Variants in ADGRB1 observed in about 807,000 individuals in gnomAD.
The protein encoded by ADGRB1 is brain-specific angiogenesis inhibitor 1.
Under a neutral mutation model 175.7 loss-of-function variants are expected in ADGRB1, and 36 were observed. The observed-to-expected ratio is 0.20, with a 90% confidence interval of 0.16 to 0.27. The LOEUF (loss-of-function observed/expected upper bound fraction) is 0.27. Ranked by LOEUF, ADGRB1 falls within the 10% of genes least tolerant of loss-of-function variation. ADGRB1 has a pLI of 1.00. For missense variants in ADGRB1, 1,731 were observed against 2,255.3 expected, an observed-to-expected ratio of 0.77 and a Z score of 4.71; for synonymous variants, 1,054 against 979.4, an observed-to-expected ratio of 1.08 and a Z score of -1.42.
At position 142,490,756 on chromosome 8, in the gene ADGRB1, C is replaced by T; in HGVS notation, c.2632-16C>T. On this transcript the variant is annotated splice_polypyrimidine_tract_variant and intron_variant, in intron 16 of 30. Transcript: ENST00000517894. ...CTGGCTGCCAGGGGCCCTGACTCCT[C>T]TCCCCTCTCTCCCAGGGCACCACCA... 1 of 1,570,166 alleles carries T rather than the reference C, an allele frequency of 6.4e-7. No individual in the cohort carries two copies. The highest frequency in any genetic ancestry group is 8.6e-7 in the Non-Finnish European group (1 of 1,157,734).
rs374003039 is a variant in ADGRB1 at position 142,543,790 on chromosome 8, TCATC to T, written c.4557+106_4557+109del. ...CCCTTCTTCCCTGGATTTGTGCACT[TCATC>T]CATCCATCCATCCATCCATCCATTC... On this transcript the variant is annotated intron_variant, in intron 30 of 30. Transcript: ENST00000517894. The surrounding 1 kb of genome is among the most constrained non-coding windows in gnomAD (Gnocchi z 4.4). 2.0e-3 allele frequency: 2,444 copies of T among 1,247,424 alleles called. 25 individuals are homozygous for T. The African/African-American group carries it at 0.027, about 14-fold the overall frequency. 77.3% of individuals were successfully genotyped at this position (1,247,424 alleles called of 1,614,324 possible).
intron 2 of ADGRB1, among the ~76,000 whole-genome samples, chr8:142,469,155 GCA>G (rs1254593022): frequency 1.3e-4 from 1 of 7,874 alleles, no homozygotes; most frequent in African/African-American, 3.4e-4. Context: ...GTGCATGCGT[GCA>G]TGTGTGTGTG....
intron 2 of ADGRB1, among the ~76,000 whole-genome samples, chr8:142,466,019 C>T (rs190111065): frequency 6.4e-4 from 97 of 152,296 alleles, no homozygotes; most frequent in African/African-American, 2.2e-3. Flanking sequence ...AGATGGGTCC[C>T]GTACACACCT....
chr8:142,543,468 A>G lies in ADGRB1; in HGVS notation c.4449+30A>G. The G allele has an allele frequency of 6.2e-7, 1 of 1,613,196 alleles. No individual in the cohort carries two copies. Among genetic ancestry groups the G allele is most frequent in the Non-Finnish European group, 8.5e-7 (1 of 1,179,550 alleles). ...GTTCTGGTGTCCCCCCCCACCAGAC[A>G]CTTAGGGCCAGATGTGCTCTGGGCT... On this transcript the variant is annotated intron_variant, in intron 29 of 30. Transcript: ENST00000517894. The surrounding 1 kb of genome is among the most constrained non-coding windows in gnomAD (Gnocchi z 4.4).
intron 17 of ADGRB1, among the ~76,000 whole-genome samples, chr8:142,509,527 T>C (rs1213229190): frequency 1.3e-5 from 2 of 152,154 alleles, no homozygotes; most frequent in Non-Finnish European, 2.9e-5. Context: ...AGGTCCCTTC[T>C]GACTCCTAGC....
chr8:142,540,866 G>A (rs1845231283), intron 27 of ADGRB1, among the ~76,000 whole-genome samples: 1 of 152,108 alleles, frequency 6.6e-6, no homozygotes, highest in Non-Finnish European at 1.5e-5. Flanking sequence ...CTGTCCAGAG[G>A]GTGGAGGAGA....
At chr8:142,469,162 T>TGTGA (rs10643514) in intron 2 of ADGRB1, among the ~76,000 whole-genome samples, 128,827 of 151,894 alleles carry the variant, frequency 0.85, 54,782 homozygotes, top group African/African-American at 0.91. Flanking sequence ...CGTGCATGTG[T>TGTGA]GTGTGTGTGC....
In ADGRB1 at chr8:142,542,421, G is replaced by T. The variant is rs764161080; in HGVS notation, c.4187G>T (p.Arg1396Leu). Residue 1396 changes from arginine (R) to leucine (L), a missense_variant, in exon 28 of 31, where the codon CGC becomes CTC. Transcript: ENST00000517894. The surrounding 1 kb of genome is among the most constrained non-coding windows in gnomAD (Gnocchi z 6.3). ...CTCCCCGCCCGCAGCCCGCCCTCCC[G>T]CCAGCCCCCCAGCGGCGGGCCCCCC... ...ASLPARSPPS[R>L]QPPSGGPPEA... The T allele has an allele frequency of 1.2e-6, 1 of 854,196 alleles. No homozygotes were observed. The highest frequency in any genetic ancestry group is 1.8e-5 in the South Asian group (1 of 54,102). 52.9% of individuals were successfully genotyped at this position (854,196 alleles called of 1,614,324 possible).
intron 2 of ADGRB1, among the ~76,000 whole-genome samples, chr8:142,475,111 C>G (rs1187341695): frequency 6.6e-6 from 1 of 152,176 alleles, no homozygotes; most frequent in Non-Finnish European, 1.5e-5. Flanking sequence ...CCAGGCGTGC[C>G]AGGAACCAGA....
intron 17 of ADGRB1, among the ~76,000 whole-genome samples, chr8:142,501,123 C>A (rs911802588): frequency 6.6e-6 from 1 of 152,102 alleles, no homozygotes; most frequent in Non-Finnish European, 1.5e-5. Context: ...GTGTTGGAGA[C>A]GAGAATGATG....
In ADGRB1 at chr8:142,543,652, C is replaced by T. The variant is rs986603398; in HGVS notation, c.4501C>T (p.Arg1501Trp). Residue 1501 changes from arginine (R) to tryptophan (W), a missense_variant, in exon 30 of 31, where the codon CGG becomes TGG. Arg to Trp is a moderately radical substitution (Grantham distance 101, BLOSUM62 -3). Transcript: ENST00000517894. This position sits in a 1 kb window ranked among gnomAD's most constrained non-coding sequence, Gnocchi z 4.4. Reference protein sequence around the residue: ...RHQDMFQDLNRKLQHAAEKDK... With the variant: ...RHQDMFQDLNWKLQHAAEKDK... ...CCAAGACATGTTCCAGGACCTGAAC[C>T]GGAAGCTGCAGCACGCAGCGGAGAA... 6 of 1,464,626 alleles carry T rather than the reference C, an allele frequency of 4.1e-6. No homozygotes were observed. The highest frequency in any genetic ancestry group is 1.2e-5 in the South Asian group (1 of 83,906). The allele number at this position is 1,464,626 out of a possible 1,614,324, so 90.7% of individuals were successfully genotyped here.
At position 142,537,050 on chromosome 8, in the gene ADGRB1, G is replaced by A. The variant is rs1476696490; in HGVS notation, c.3634G>A (p.Gly1212Ser). The change falls in exon 26 of 31, where the codon GGC becomes AGC. Residue 1212 changes from glycine to serine, a missense_variant. Physicochemically the swap from Gly to Ser is moderately conservative, Grantham distance 56. This residue lies in a region of ADGRB1 where 301 missense variants were observed against 488.4 expected (regional missense o/e 0.62). Transcript: ENST00000517894. The surrounding 1 kb of genome is among the most constrained non-coding windows in gnomAD (Gnocchi z 4.6). The part of the protein sequence containing the change: ...RQEEGNGDSG[G>S]SFQNGHAQLM... ...GGAGGAGGGCAACGGGGACTCAGGGGGCTCCTTCCAGAACGGCCACGCCCA... is the reference window on the plus strand; with the variant it reads ...GGAGGAGGGCAACGGGGACTCAGGGAGCTCCTTCCAGAACGGCCACGCCCA... 2.5e-6 allele frequency: 4 copies of A among 1,581,948 alleles called. No individual in the cohort carries two copies. The highest frequency in any genetic ancestry group is 2.6e-6 in the Non-Finnish European group (3 of 1,164,320).
intron 18 of ADGRB1, among the ~76,000 whole-genome samples, chr8:142,515,660 G>A (rs559223227): frequency 6.6e-6 from 1 of 152,156 alleles, no homozygotes; most frequent in South Asian, 2.1e-4. Context: ...CTGTCCAGCT[G>A]GTTTCCTAGC....
At chr8:142,472,898 G>C (rs1240447052) in intron 2 of ADGRB1, among the ~76,000 whole-genome samples, 1 of 152,130 alleles carries the variant, frequency 6.6e-6, no homozygotes, top group Non-Finnish European at 1.5e-5. Flanking sequence ...CTCAGCACGG[G>C]TCCAAAGTCA....
rs1841852926 is a variant in ADGRB1 at position 142,489,027 on chromosome 8, T to G, written c.2453-8T>G. The stretch of plus-strand genomic sequence containing the variant: ...GCGGGCCGGGGTTGACAGTGCACTT[T>G]CTTCCAGAGGCCGATGAAGCATCCG... On this transcript the variant is annotated splice_region_variant and splice_polypyrimidine_tract_variant and intron_variant, in intron 14 of 30. Transcript: ENST00000517894. 1 of 1,611,412 alleles carries G rather than the reference T, an allele frequency of 6.2e-7. No individual in the cohort carries two copies. Among genetic ancestry groups the G allele is most frequent in the Non-Finnish European group, 8.5e-7 (1 of 1,179,420 alleles).
In ADGRB1 at chr8:142,464,318, C is replaced by G; in HGVS notation, c.120C>G (p.Pro40=). The G allele has an allele frequency of 6.7e-7, 1 of 1,486,636 alleles. No individual in the cohort carries two copies. Among genetic ancestry groups the G allele is most frequent in the Non-Finnish European group, 8.9e-7 (1 of 1,125,014 alleles). The allele number at this position is 1,486,636 out of a possible 1,614,324, so 92.1% of individuals were successfully genotyped here. A position where few individuals can be genotyped will look rare whatever the true frequency, so the allele number is the denominator to read the frequency against. Residue 40 remains proline, a synonymous_variant, in exon 2 of 31, where the codon CCC becomes CCG. Transcript: ENST00000517894. ...CCGGAGCAGACGCGGGGCCCGGGCC[C>G]GAGCCGTGCGCCACGCTGGTGCAGG... ...AAAGADAGPG[P]EPCATLVQGK... is the part of the protein sequence containing the mutation.
In ADGRB1 at chr8:142,452,167, T is replaced by C. The variant is rs1212324238; in HGVS notation, c.-220+2063T>C. On this transcript the variant is annotated intron_variant, in intron 1 of 30. Coordinates refer to ENST00000517894, the MANE Select transcript of ADGRB1 (RefSeq NM_001702.3). ...CTCCCTTCGGCTCGCTAGCTGCTCC[T>C]TGGCGCTGCTTTCAGACTTGTTGCG... Among the ~76,000 whole-genome samples, 6 of 152,304 alleles carry C rather than the reference T, an allele frequency of 3.9e-5. No homozygotes were observed. The East Asian group carries it at 1.2e-3, about 29-fold the overall frequency.
At position 142,464,252 on chromosome 8, in the gene ADGRB1, ACTG is replaced by A. The variant is rs777000151; in HGVS notation, c.70_72del (p.Leu24del). On this transcript the variant is annotated inframe_deletion, in exon 2 of 31. Transcript: ENST00000517894. ...CCGTCTGGATCCTCGCCCCGCTGCTACTGCTGCTGCTGCTGCTGGGACGCCGCG... is the reference window on the plus strand; with the variant it reads ...CCGTCTGGATCCTCGCCCCGCTGCTACTGCTGCTGCTGCTGGGACGCCGCG... 9.9e-4 allele frequency: 1,305 copies of A among 1,318,494 alleles called. No individual in the cohort carries two copies. The highest frequency in any genetic ancestry group is 5.2e-3 in the South Asian group (254 of 48,746). The allele number at this position is 1,318,494 out of a possible 1,614,324, so 81.7% of individuals were successfully genotyped here.
At position 142,484,015 on chromosome 8, in the gene ADGRB1, G is replaced by C. The variant is rs764382995; in HGVS notation, c.2169G>C (p.Glu723Asp). Residue 723 changes from glutamate to aspartate, a missense_variant, in exon 12 of 31, where the codon GAG (glutamate) becomes GAC (aspartate). Transcript: ENST00000517894. ...VQILSNLLAE[E>D]NRDKWEEAQL... ...TCCTTAGCAACCTGTTGGCAGAGGA[G>C]AATCGGGACAAGTGGGAGGAGGCCC... The C allele has an allele frequency of 1.2e-6, 2 of 1,613,088 alleles. No individual in the cohort carries two copies. The highest frequency in any genetic ancestry group is 1.3e-5 in the African/African-American group (1 of 74,902).
Sources: gnomAD v4.1 joint callset for allele counts (sites outside exome capture counted in the v4.1 genomes callset) on GRCh38, gnomAD v4.1.1 for gene constraint, gnomAD v4.1.1 regional missense constraint, Gnocchi (gnomAD v3.1) non-coding constraint, MANE v1.5 for transcripts, NCBI Gene and HGNC (gene_info 2026-07-23, HGNC 2026-07-21) for gene names.